Variants in RANBP2 observed in about 807,000 individuals in gnomAD.
RANBP2 encodes the protein E3 SUMO-protein ligase RanBP2.
In RANBP2, 57 loss-of-function variants were observed where a neutral mutation model predicts 303.6. The observed-to-expected ratio is 0.19, with a 90% CI of 0.15 to 0.23. The LOEUF (loss-of-function observed/expected upper bound fraction) is 0.23, where lower values mean the gene tolerates loss of function less well. Among genes scored for constraint, RANBP2 ranks in the 10% least tolerant of loss-of-function variants. The pLI is 1.00. For synonymous variants in RANBP2, 1,167 were observed against 1,301.5 expected (o/e 0.90, Z 2.23); for missense variants, 3,138 against 3,780.8 (o/e 0.83, Z 4.46).
the RANBP2 span, among the ~76,000 whole-genome samples, chr2:108,898,392 G>A: frequency 6.6e-6 from 1 of 152,152 alleles, no homozygotes; most frequent in African/African-American, 2.4e-5. Context: ...AGGTTGAGTG[G>A]GGAATTTGGA....
the RANBP2 span, among the ~76,000 whole-genome samples, chr2:109,708,741 CTGA>C: frequency 6.6e-6 from 1 of 152,178 alleles, no homozygotes; most frequent in Non-Finnish European, 1.5e-5. Context: ...CCTTGGGAGG[CTGA>C]GGCAGGTGAT....
chr2:108,922,735 G>C, the RANBP2 span, among the ~76,000 whole-genome samples: 1 of 152,110 alleles, frequency 6.6e-6, no homozygotes, highest in Non-Finnish European at 1.5e-5. Context: ...CCTCCCAGCT[G>C]CTTGTCCTAC....
the RANBP2 span, among the ~76,000 whole-genome samples, chr2:108,917,815 C>G: frequency 1.3e-5 from 2 of 152,080 alleles, no homozygotes; most frequent in Non-Finnish European, 2.9e-5. Context: ...AAGTGCCAAC[C>G]TTGGGCAGCA....
chr2:109,443,349 G>A, the RANBP2 span, among the ~76,000 whole-genome samples: 1 of 152,072 alleles, frequency 6.6e-6, no homozygotes, highest in South Asian at 2.1e-4. Context: ...GCCCCCTATC[G>A]GCTCTATCCT....
At chr2:108,887,345 G>C in the RANBP2 span, among the ~76,000 whole-genome samples, 2 of 152,028 alleles carry the variant, frequency 1.3e-5, no homozygotes, top group Non-Finnish European at 2.9e-5. Flanking sequence ...TTTCGTTCAG[G>C]ATGACTTTGA....
chr2:109,128,178 C>T, the RANBP2 span: 1 of 152,268 alleles, frequency 6.6e-6, no homozygotes, highest in Non-Finnish European at 1.5e-5. Context: ...GGCAGGGAAT[C>T]TTCGCCGCCG....
the RANBP2 span, among the ~76,000 whole-genome samples, chr2:108,927,582 G>C: frequency 6.6e-6 from 1 of 152,152 alleles, no homozygotes; most frequent in Non-Finnish European, 1.5e-5. Context: ...AGCAGCATAG[G>C]TCGGCGAGGT....
intron 7 of RANBP2, among the ~76,000 whole-genome samples, chr2:108,745,737 T>C (rs1161026864): frequency 2.0e-5 from 3 of 152,108 alleles, no homozygotes; most frequent in African/African-American, 7.2e-5. Context: ...ATTTCACCTG[T>C]ACTTTTTAAA....
At chr2:108,891,487 G>C in the RANBP2 span, among the ~76,000 whole-genome samples, 1 of 152,340 alleles carries the variant, frequency 6.6e-6, no homozygotes, top group South Asian at 2.1e-4. Context: ...GAAGTTATTA[G>C]TGGAGGCTGT....
chr2:109,546,041 G>T, the RANBP2 span: 1 of 1,560,086 alleles, frequency 6.4e-7, no homozygotes, highest in South Asian at 1.2e-5. Context: ...GGGTGGCTGG[G>T]CCTCTTACTT....
the RANBP2 span, among the ~76,000 whole-genome samples, chr2:109,023,382 A>C: frequency 5.2e-3 from 797 of 152,376 alleles, 7 homozygotes; most frequent in African/African-American, 0.018. Context: ...ACAGTAATAT[A>C]TGTTCATTGT....
the RANBP2 span, among the ~76,000 whole-genome samples, chr2:108,901,842 G>T: frequency 6.6e-6 from 1 of 152,202 alleles, no homozygotes; most frequent in Non-Finnish European, 1.5e-5. Context: ...GGTGGCTCAC[G>T]CCTGTAATCC....
At chr2:109,650,288 G>A in the RANBP2 span, among the ~76,000 whole-genome samples, 1 of 152,198 alleles carries the variant, frequency 6.6e-6, no homozygotes, top group Non-Finnish European at 1.5e-5. Flanking sequence ...CAAACAACGG[G>A]AAGGTAAGGC....
the RANBP2 span, among the ~76,000 whole-genome samples, chr2:109,312,347 C>T: frequency 2.0e-5 from 3 of 152,082 alleles, no homozygotes; most frequent in Non-Finnish European, 4.4e-5. Context: ...ACAAGTTTAA[C>T]GGGTTTTTTA....
chr2:109,276,740 C>T, the RANBP2 span, among the ~76,000 whole-genome samples: 3 of 152,182 alleles, frequency 2.0e-5, no homozygotes, highest in Non-Finnish European at 4.4e-5. Flanking sequence ...TGTGATACCT[C>T]AGCCTTCTCT....
At chr2:109,334,251 G>A in the RANBP2 span, among the ~76,000 whole-genome samples, 1 of 151,300 alleles carries the variant, frequency 6.6e-6, no homozygotes, top group African/African-American at 2.4e-5. Flanking sequence ...TCAGCTACTC[G>A]AGGGGCTGAG....
At chr2:109,506,977 C>A in the RANBP2 span, among the ~76,000 whole-genome samples, 2 of 152,188 alleles carry the variant, frequency 1.3e-5, no homozygotes, top group Non-Finnish European at 2.9e-5. Flanking sequence ...GAGGAAAGGG[C>A]CCAGGGAGGC....
the RANBP2 span, among the ~76,000 whole-genome samples, chr2:109,538,629 C>A: frequency 6.6e-6 from 1 of 152,206 alleles, no homozygotes; most frequent in Non-Finnish European, 1.5e-5. Context: ...AAGCAATTCT[C>A]GTGCCTCAGC....
chr2:109,188,262 A>G, the RANBP2 span, among the ~76,000 whole-genome samples: 1 of 152,196 alleles, frequency 6.6e-6, no homozygotes, highest in Non-Finnish European at 1.5e-5. Flanking sequence ...CCGCCACCCC[A>G]GCAGACAACT....
Sources: gnomAD v4.1 joint callset for allele counts (sites outside exome capture counted in the v4.1 genomes callset) on GRCh38, gnomAD v4.1.1 for gene constraint, MANE v1.5 for transcripts, NCBI Gene and HGNC (gene_info 2026-07-23, HGNC 2026-07-21) for gene names.